CNTN5: variants seen among roughly 807,000 people sequenced by gnomAD.
CNTN5 encodes the protein contactin 5.
In CNTN5, 77 loss-of-function variants were observed where a neutral mutation model predicts 129.1. That is an observed-to-expected ratio of 0.60 (90% CI 0.50 to 0.72). The LOEUF (loss-of-function observed/expected upper bound fraction) is 0.72, where lower values mean the gene tolerates loss of function less well. Ranked by LOEUF, CNTN5 falls within the 30% of genes least tolerant of loss-of-function variation. The pLI is 0.00. For missense variants in CNTN5, 1,478 were observed against 1,328.8 expected (o/e 1.11, Z -1.75); for synonymous variants, 509 against 465.6 (o/e 1.09, Z -1.20).
At chr11:99,760,550 T>C (rs1944545068) in intron 3 of CNTN5, among the ~76,000 whole-genome samples, 1 of 152,186 alleles carries the variant, frequency 6.6e-6, no homozygotes, top group African/African-American at 2.4e-5. Flanking sequence ...AATAATGCTA[T>C]GTTTTTATTT....
At chr11:99,397,892 T>C (rs1179255861) in intron 2 of CNTN5, among the ~76,000 whole-genome samples, 1 of 151,882 alleles carries the variant, frequency 6.6e-6, no homozygotes, top group Non-Finnish European at 1.5e-5. Context: ...TTTTATGGTC[T>C]CTTAGTTGAG....
chr11:99,035,498 T>C (rs1210737305), intron 1 of CNTN5, among the ~76,000 whole-genome samples: 1 of 151,010 alleles, frequency 6.6e-6, no homozygotes, highest in Non-Finnish European at 1.5e-5. Context: ...CTCTTCTTGT[T>C]GAATTGATCC....
chr11:100,306,782 C>A (rs1951359809), intron 20 of CNTN5, among the ~76,000 whole-genome samples: 1 of 151,464 alleles, frequency 6.6e-6, no homozygotes. Context: ...TGGACAGATG[C>A]ACAAATAATA....
intron 21 of CNTN5, among the ~76,000 whole-genome samples, chr11:100,318,805 A>G (rs568629739): frequency 3.3e-5 from 5 of 152,326 alleles, no homozygotes; most frequent in Admixed American, 1.3e-4. Flanking sequence ...GAAATTGTAT[A>G]AAGTGTTTAA....
At chr11:99,986,072 A>G (rs1202065743) in intron 8 of CNTN5, among the ~76,000 whole-genome samples, 1 of 152,174 alleles carries the variant, frequency 6.6e-6, no homozygotes, top group Non-Finnish European at 1.5e-5. Context: ...CACTTAAACA[A>G]TCATTTGGCC....
chr11:99,357,128 A>G (rs1235035238), intron 2 of CNTN5, among the ~76,000 whole-genome samples: 1 of 151,820 alleles, frequency 6.6e-6, no homozygotes, highest in Non-Finnish European at 1.5e-5. Flanking sequence ...AGCCTAAGGA[A>G]TTTGATCAGG....
At chr11:99,906,156 G>T (rs1439155997) in intron 6 of CNTN5, among the ~76,000 whole-genome samples, 2 of 152,090 alleles carry the variant, frequency 1.3e-5, no homozygotes, top group Admixed American at 6.6e-5. Flanking sequence ...GCCCTCTCTA[G>T]AACTTCCAAT....
chr11:100,016,052 C>T (rs1940804103), intron 9 of CNTN5, among the ~76,000 whole-genome samples: 1 of 152,002 alleles, frequency 6.6e-6, no homozygotes, highest in Non-Finnish European at 1.5e-5. Flanking sequence ...TATGAGAAAA[C>T]TTTCTCTTAT....
intron 9 of CNTN5, among the ~76,000 whole-genome samples, chr11:100,004,688 T>C (rs1182404776): frequency 1.3e-5 from 2 of 152,116 alleles, no homozygotes; most frequent in African/African-American, 2.4e-5. Flanking sequence ...AAACTCCTGA[T>C]AGCAATGACT....
chr11:99,525,749 A>G (rs1301778600), intron 2 of CNTN5, among the ~76,000 whole-genome samples: 2 of 152,254 alleles, frequency 1.3e-5, no homozygotes, highest in African/African-American at 4.8e-5. Flanking sequence ...CCAATAATCA[A>G]TAGAGTCTTG....
At chr11:99,225,865 G>A (rs1250605125) in intron 1 of CNTN5, among the ~76,000 whole-genome samples, 1 of 152,042 alleles carries the variant, frequency 6.6e-6, no homozygotes, top group Non-Finnish European at 1.5e-5. Context: ...ATGTCCAAAT[G>A]GATAAGGATG....
intron 6 of CNTN5, among the ~76,000 whole-genome samples, chr11:99,852,595 C>A (rs9804441): frequency 0.91 from 138,266 of 152,286 alleles, 62,996 homozygotes; most frequent in South Asian, 0.96. Context: ...TTTTTTAATT[C>A]AAGTACAACC....
At chr11:100,346,623 T>C (rs1952287881) in intron 23 of CNTN5, among the ~76,000 whole-genome samples, 1 of 152,144 alleles carries the variant, frequency 6.6e-6, no homozygotes, top group African/African-American at 2.4e-5. Context: ...TTCAAATCTG[T>C]ATCTAGAAAA....
intron 1 of CNTN5, among the ~76,000 whole-genome samples, chr11:99,109,417 A>T (rs998797093): frequency 2.0e-5 from 3 of 152,036 alleles, no homozygotes; most frequent in Non-Finnish European, 4.4e-5. Context: ...TGTTAGATAG[A>T]TATTTTTATA....
chr11:99,346,216 G>A (rs1245384511), intron 2 of CNTN5, among the ~76,000 whole-genome samples: 2 of 152,160 alleles, frequency 1.3e-5, no homozygotes, highest in Non-Finnish European at 2.9e-5. Context: ...CAGTAGAGGT[G>A]CTGAGAGGCA....
At chr11:100,072,909 G>A (rs1943978045) in intron 12 of CNTN5, among the ~76,000 whole-genome samples, 1 of 136,362 alleles carries the variant, frequency 7.3e-6, no homozygotes, top group Admixed American at 8.0e-5. Context: ...CTAGTTAGTA[G>A]CCCTGAAACA....
intron 1 of CNTN5, among the ~76,000 whole-genome samples, chr11:99,145,852 A>C (rs1421002484): frequency 1.3e-5 from 2 of 152,196 alleles, no homozygotes; most frequent in African/African-American, 4.8e-5. Context: ...CAAGAAGGAC[A>C]GTAATGTATT....
At chr11:99,866,172 C>T (rs768577174) in intron 6 of CNTN5, among the ~76,000 whole-genome samples, 5 of 152,116 alleles carry the variant, frequency 3.3e-5, no homozygotes, top group African/African-American at 7.2e-5. Flanking sequence ...TGACTTGTCA[C>T]GAATGGTTTT....
chr11:100,237,154 A>T (rs980848669), intron 16 of CNTN5, among the ~76,000 whole-genome samples: 19 of 146,222 alleles, frequency 1.3e-4, no homozygotes, highest in Admixed American at 3.6e-4. Context: ...ACAGCACTGC[A>T]CTCCAGCCTG....
Sources: gnomAD v4.1 joint callset for allele counts (sites outside exome capture counted in the v4.1 genomes callset) on GRCh38, gnomAD v4.1.1 for gene constraint, MANE v1.5 for transcripts, NCBI Gene and HGNC (gene_info 2026-07-23, HGNC 2026-07-21) for gene names.